Variants in DCDC2 observed in about 807,000 individuals in gnomAD.
DCDC2 encodes the protein doublecortin domain-containing protein 2.
A neutral mutation model predicts 50.2 loss-of-function variants in DCDC2; 40 were observed. The observed-to-expected ratio is 0.80, with a 90% CI of 0.62 to 1.04. DCDC2 has a LOEUF of 1.04. DCDC2 is among the 50% of genes least tolerant of loss of function. The probability of loss-of-function intolerance (pLI) is 0.00; values close to 1 mark genes in which losing one functional copy is unlikely to be tolerated. For missense variants in DCDC2, 570 were observed against 581.9 expected (o/e 0.98, Z 0.21); for synonymous variants, 234 against 210.6 (o/e 1.11, Z -0.96).
intron 8 of DCDC2, among the ~76,000 whole-genome samples, chr6:24,188,549 T>G (rs1761251041): frequency 6.6e-6 from 1 of 152,176 alleles, no homozygotes; most frequent in African/African-American, 2.4e-5. Flanking sequence ...TTTTTATATT[T>G]TATATTTTTA....
chr6:24,289,934 C>T (rs1023171070), intron 5 of DCDC2, among the ~76,000 whole-genome samples: 3 of 140,628 alleles, frequency 2.1e-5, no homozygotes, highest in African/African-American at 7.7e-5. Context: ...GCACCATGAG[C>T]AAGCCGAGAG....
At chr6:24,186,475 G>T (rs779959352) in intron 8 of DCDC2, among the ~76,000 whole-genome samples, 2 of 152,092 alleles carry the variant, frequency 1.3e-5, no homozygotes, top group African/African-American at 2.4e-5. Context: ...ACATACCTGC[G>T]TGCACATGCG....
In DCDC2 at chr6:24,267,125, T is replaced by C. The variant is rs1162527840; in HGVS notation, c.922+10924A>G. Among the ~76,000 whole-genome samples, 6 of 152,222 alleles carry C rather than the reference T, an allele frequency of 3.9e-5. No individual in the cohort carries two copies. The East Asian group carries it at 9.7e-4, about 24-fold the overall frequency. ...AGTAAAACAATTAAACTCACGAAGA[T>C]ACAGAGTAGAATGGTGGTGACCAGA... On this transcript the variant is annotated intron_variant, in intron 7 of 9. Transcript: ENST00000378454.
chr6:24,256,671 G>T (rs1228131274), intron 7 of DCDC2, among the ~76,000 whole-genome samples: 3 of 152,122 alleles, frequency 2.0e-5, no homozygotes, highest in African/African-American at 7.2e-5. Context: ...GTGTTTGGGA[G>T]GCCACTATTT....
intron 2 of DCDC2, among the ~76,000 whole-genome samples, chr6:24,342,914 T>C (rs899092141): frequency 6.6e-6 from 1 of 152,198 alleles, no homozygotes. Context: ...TTTTTACTCT[T>C]TTCATGTATC....
chr6:24,353,283 G>T (rs1459484084), intron 2 of DCDC2: 1 of 501,116 alleles, frequency 2.0e-6, no homozygotes, highest in African/African-American at 1.9e-5. Flanking sequence ...CACTTGACAG[G>T]GAACCTTCCC....
intron 1 of DCDC2, among the ~76,000 whole-genome samples, chr6:24,354,741 A>G (rs1760434841): frequency 6.6e-6 from 1 of 152,160 alleles, no homozygotes; most frequent in South Asian, 2.1e-4. Flanking sequence ...ATGCACAGGG[A>G]AAGTTTTGGG....
intron 7 of DCDC2, among the ~76,000 whole-genome samples, chr6:24,229,517 G>A (rs974235306): frequency 1.3e-4 from 20 of 152,130 alleles, no homozygotes; most frequent in Non-Finnish European, 1.9e-4. Flanking sequence ...TGGTTTGAGT[G>A]AGAATCTTTG....
chr6:24,210,175 C>T (rs1440938553), intron 7 of DCDC2, among the ~76,000 whole-genome samples: 1 of 151,930 alleles, frequency 6.6e-6, no homozygotes, highest in Non-Finnish European at 1.5e-5. Context: ...TAAATATTGG[C>T]CCACCTCAGA....
At chr6:24,228,989 C>T (rs1762288087) in intron 7 of DCDC2, among the ~76,000 whole-genome samples, 2 of 152,168 alleles carry the variant, frequency 1.3e-5, no homozygotes, top group Admixed American at 1.3e-4. Flanking sequence ...AATTTTCCCC[C>T]AAAGAATACC....
chr6:24,247,448 T>C (rs1024206587), intron 7 of DCDC2, among the ~76,000 whole-genome samples: 18 of 152,200 alleles, frequency 1.2e-4, no homozygotes, highest in Middle Eastern at 3.4e-3. Flanking sequence ...CTTTTCAACA[T>C]GTAATTGTAT....
chr6:24,354,447 T>C (rs1561785938), intron 1 of DCDC2, among the ~76,000 whole-genome samples: 1 of 152,304 alleles, frequency 6.6e-6, no homozygotes, highest in East Asian at 1.9e-4. Flanking sequence ...AAAAAAAGCT[T>C]ATGTTAGAAT....
At chr6:24,299,730 A>C (rs1045168005) in intron 4 of DCDC2, among the ~76,000 whole-genome samples, 8 of 151,988 alleles carry the variant, frequency 5.3e-5, no homozygotes, top group African/African-American at 1.7e-4. Context: ...CCTGGCCAAC[A>C]TGGTGAAACC....
rs540328741 is a variant in DCDC2, at chr6:24,223,782, C to G, written c.923-18680G>C. Among the ~76,000 whole-genome samples the G allele has an allele frequency of 2.6e-5, 4 of 152,344 alleles. No homozygotes were observed. In the South Asian group the frequency reaches 8.3e-4, roughly 32 times the overall value. ...GATCTGCAGCTAACAACAGTTGCCA[C>G]TTTGGCCAGTGTAACCACCAAAATG... On this transcript the variant is annotated intron_variant, in intron 7 of 9. Transcript: ENST00000378454.
chr6:24,335,189 C>G (rs1471677582), intron 2 of DCDC2, among the ~76,000 whole-genome samples: 1 of 152,094 alleles, frequency 6.6e-6, no homozygotes, highest in Non-Finnish European at 1.5e-5. Flanking sequence ...CTGAAGGATC[C>G]TACAATAATA....
In DCDC2 at chr6:24,205,321, G is replaced by C. The variant is rs980018800; in HGVS notation, c.923-219C>G. The C allele has an allele frequency of 1.2e-5, 18 of 1,527,792 alleles. 1 individual carries two copies. In the Middle Eastern group the frequency reaches 5.1e-4, roughly 44 times the overall value. 94.6% of individuals were successfully genotyped at this position (1,527,792 alleles called of 1,614,324 possible). A position where few individuals can be genotyped will look rare whatever the true frequency, so the allele number is the denominator to read the frequency against. ...CAGTGGTCAAAACAAGGCTGACCCA[G>C]CAGGGTAAAGTTCTGTCGAAGCTCC... On this transcript the variant is annotated intron_variant, in intron 7 of 9. Transcript: ENST00000378454.
intron 7 of DCDC2, among the ~76,000 whole-genome samples, chr6:24,243,638 G>C (rs370659265): frequency 1.4e-4 from 21 of 152,310 alleles, no homozygotes; most frequent in African/African-American, 5.1e-4. Context: ...GAGCTGAGAG[G>C]CTAGTTTGGA....
At chr6:24,196,614 G>T (rs1761448862) in intron 8 of DCDC2, among the ~76,000 whole-genome samples, 2 of 152,062 alleles carry the variant, frequency 1.3e-5, no homozygotes, top group African/African-American at 4.8e-5. Flanking sequence ...TAGAGACCAG[G>T]TTTCACCGTG....
chr6:24,194,514 C>G (rs779724378), intron 8 of DCDC2, among the ~76,000 whole-genome samples: 1 of 152,172 alleles, frequency 6.6e-6, no homozygotes, highest in South Asian at 2.1e-4. Context: ...ATTAAACAAA[C>G]TCTAAAAATA....
Sources: allele counts gnomAD v4.1 joint callset (sites outside exome capture counted in the v4.1 genomes callset), GRCh38; gene constraint gnomAD v4.1.1; transcripts MANE v1.5; gene names NCBI Gene and HGNC (gene_info 2026-07-23, HGNC 2026-07-21).